PCNT: variants seen among roughly 807,000 people sequenced by gnomAD.
PCNT encodes the protein kendrin.
PCNT carries 319 observed loss-of-function variants against 380.4 expected under a neutral mutation model. That is an observed-to-expected ratio of 0.84 (90% CI 0.77 to 0.92). The LOEUF (loss-of-function observed/expected upper bound fraction) is 0.92, where lower values mean the gene tolerates loss of function less well. PCNT is among the 40% of genes least tolerant of loss of function. The pLI is 0.00. For missense variants in PCNT, 4,400 were observed against 4,255.3 expected (o/e 1.03, Z -0.95); for synonymous variants, 1,845 against 1,735.2 (o/e 1.06, Z -1.57).
intron 15 of PCNT, among the ~76,000 whole-genome samples, chr21:46,379,164 T>C (rs1555968394): frequency 6.6e-6 from 1 of 152,244 alleles, no homozygotes; most frequent in Non-Finnish European, 1.5e-5. Context: ...TTCCTGGATG[T>C]GGACTTCAAG....
chr21:46,330,122 TC>T (rs542782950), intron 2 of PCNT, among the ~76,000 whole-genome samples: 89 of 152,234 alleles, frequency 5.8e-4, no homozygotes, highest in African/African-American at 1.5e-3. Flanking sequence ...ATCAGCTTTT[TC>T]CCCCTTTTTT....
chr21:46,354,258 A>G (rs1258895622), intron 11 of PCNT, among the ~76,000 whole-genome samples, 190 bp downstream of exon 11: 2 of 152,162 alleles, frequency 1.3e-5, no homozygotes, highest in African/African-American at 2.4e-5. Context: ...TTGATCAGGA[A>G]AGGGGGTGGC....
chr21:46,330,485 T>C (rs1289658028), intron 2 of PCNT, among the ~76,000 whole-genome samples: 1 of 152,204 alleles, frequency 6.6e-6, no homozygotes, highest in Admixed American at 6.6e-5. Context: ...GCCATTGTCT[T>C]TCTGCTGTAC....
At chr21:46,326,317 G>C in intron 1 of PCNT, 60 bp from the exon 2 acceptor site, 1 of 1,532,064 alleles carries the variant, frequency 6.5e-7, no homozygotes, top group Non-Finnish European at 9.0e-7. Flanking sequence ...TGACTTTGTG[G>C]TTCTGTTATT....
rs1006020964 is a variant in PCNT at position 46,430,758 on chromosome 21, G to A, written c.8064+101G>A. On this transcript the variant is annotated intron_variant, in intron 37 of 46. Coordinates refer to ENST00000359568, the MANE Select transcript of PCNT (RefSeq NM_006031.6). ...CCTTCTTTTCCTGTTCTTCATGGCAGTGCACCCAGTTGACAGCAGTGTGAC... is the reference window on the plus strand; with the variant it reads ...CCTTCTTTTCCTGTTCTTCATGGCAATGCACCCAGTTGACAGCAGTGTGAC... 43 of 1,540,850 alleles carry A rather than the reference G, an allele frequency of 2.8e-5. No individual in the cohort carries two copies. The African/African-American group carries it at 5.5e-4, about 20-fold the overall frequency.
At position 46,367,025 on chromosome 21, in the gene PCNT, G is replaced by C. The variant is rs1320302184; in HGVS notation, c.3051G>C (p.Glu1017Asp). Residue 1017 changes from glutamate (E) to aspartate (D), a missense_variant, in exon 15 of 47, where the codon GAG (glutamate) becomes GAC (aspartate). By Grantham distance (45) the Glu-to-Asp change is conservative (BLOSUM62 2). Transcript: ENST00000359568. ...LHQTILTQEL[E>D]KLKRKHEGEL... ...AAACGATTTTGACTCAAGAGTTGGA[G>C]AAACTGAAGCGGAAACACGAAGGGG... The C allele has an allele frequency of 6.2e-7, 1 of 1,614,164 alleles. No homozygotes were observed. The highest frequency in any genetic ancestry group is 2.2e-5 in the East Asian group (1 of 44,876).
intron 9 of PCNT, 29 bp downstream of exon 9, chr21:46,351,569 C>T (rs577601355): frequency 2.4e-6 from 3 of 1,245,308 alleles, no homozygotes; most frequent in South Asian, 1.2e-5. Flanking sequence ...AAATTCAGAT[C>T]CTCAAAAGCT....
intron 37 of PCNT, chr21:46,431,202 G>T (rs1792488369): frequency 8.1e-7 from 1 of 1,237,546 alleles, no homozygotes; most frequent in South Asian, 1.7e-5. Flanking sequence ...CTGAAGAGGG[G>T]GCAGGAGCCT....
At chr21:46,364,224 G>A (rs542728015) in intron 14 of PCNT, among the ~76,000 whole-genome samples, 2 of 151,042 alleles carry the variant, frequency 1.3e-5, no homozygotes, top group Non-Finnish European at 2.9e-5. Flanking sequence ...CCCCCTGGCC[G>A]CAGTGGGACA....
intron 33 of PCNT, among the ~76,000 whole-genome samples, chr21:46,426,970 G>A (rs1023546601): frequency 2.0e-5 from 3 of 152,170 alleles, no homozygotes; most frequent in Admixed American, 6.5e-5. Flanking sequence ...ACCCGCCTCC[G>A]CTCGCCCCTC....
rs775027278 is a variant in PCNT, at chr21:46,370,908, G to A, written c.3165+3769G>A. Among the ~76,000 whole-genome samples the A allele has an allele frequency of 3.9e-4, 59 of 152,298 alleles. 1 individual carries two copies. The highest frequency in any genetic ancestry group is 8.3e-4 in the South Asian group (4 of 4,824). Reference sequence around the variant, plus strand: ...AAATTAGACAGGCATGGTGGTGGGCGCCTGTAGTCCCAGCTATTCTGGAGG... The same window carrying A: ...AAATTAGACAGGCATGGTGGTGGGCACCTGTAGTCCCAGCTATTCTGGAGG... On this transcript the variant is annotated intron_variant, in intron 15 of 46. Coordinates refer to ENST00000359568, the MANE Select transcript of PCNT (RefSeq NM_006031.6).
Position 46,431,810 on chromosome 21 carries a change from G to A in PCNT, c.8346G>A (p.Gln2782=). ...SQRTQEACVH[Q]DTQAHHALLQ... ...GGACACAGGAGGCTTGCGTGCACCA[G>A]GACACACAGGCCCATCACGCTCTGC... The change falls in exon 38 of 47, where the codon CAG becomes CAA. Residue 2782 remains glutamine (Q), a synonymous_variant. Coordinates refer to ENST00000359568, the MANE Select transcript of PCNT (RefSeq NM_006031.6). The A allele has an allele frequency of 1.2e-6, 2 of 1,613,642 alleles. No homozygotes were observed. Among genetic ancestry groups the A allele is most frequent in the African/African-American group, 1.3e-5 (1 of 75,070 alleles).
chr21:46,423,703 G>T, intron 32 of PCNT, among the ~76,000 whole-genome samples: 1 of 97,626 alleles, frequency 1.0e-5, no homozygotes, highest in Non-Finnish European at 2.1e-5. Context: ...CAGAGGAGGA[G>T]GGGGAGAGGA....
chr21:46,385,766 T>A, intron 16 of PCNT, 66 bp from the exon 17 acceptor site: 1 of 1,532,118 alleles, frequency 6.5e-7, no homozygotes, highest in African/African-American at 1.4e-5. Context: ...GTGTTGAAAG[T>A]CCCTTACAGC....
intron 6 of PCNT, 105 bp from the exon 7 acceptor site, chr21:46,348,907 T>G: frequency 1.3e-6 from 1 of 774,864 alleles, no homozygotes; most frequent in Non-Finnish European, 2.3e-6. Context: ...ATTAGAGGCA[T>G]GAGCCACGTT....
intron 12 of PCNT, 47 bp downstream of exon 12, chr21:46,355,673 G>A: frequency 1.2e-6 from 2 of 1,602,216 alleles, no homozygotes; most frequent in Non-Finnish European, 1.7e-6. Flanking sequence ...CCCGGGTCTG[G>A]GGGACGTTCT....
intron 29 of PCNT, among the ~76,000 whole-genome samples, chr21:46,413,260 CCCCTGGG>C (rs2086867752): frequency 8.1e-6 from 1 of 123,842 alleles, no homozygotes; most frequent in Non-Finnish European, 1.7e-5. Flanking sequence ...GCGTGAGGCC[CCCCTGGG>C]AGAGGCTGGA....
intron 3 of PCNT, among the ~76,000 whole-genome samples, chr21:46,336,290 A>G (rs1044296655): frequency 6.6e-6 from 1 of 152,160 alleles, no homozygotes; most frequent in African/African-American, 2.4e-5. Flanking sequence ...TTAGTTTTTA[A>G]TCTGCATTAT....
intron 9 of PCNT, among the ~76,000 whole-genome samples, chr21:46,352,317 G>T (rs1394078587): frequency 1.3e-5 from 2 of 152,074 alleles, no homozygotes; most frequent in Non-Finnish European, 2.9e-5. Context: ...CCTGCGCCCT[G>T]CCGGGACCAG....
Sources: allele counts gnomAD v4.1 joint callset (sites outside exome capture counted in the v4.1 genomes callset), GRCh38; gene constraint gnomAD v4.1.1; transcripts MANE v1.5; gene names NCBI Gene and HGNC (gene_info 2026-07-23, HGNC 2026-07-21).